GPHN: variants seen among roughly 807,000 people sequenced by gnomAD.
GPHN encodes the protein gephyrin.
GPHN carries 17 observed loss-of-function variants against 95.5 expected under a neutral mutation model. That is an observed-to-expected ratio of 0.18 (90% confidence interval 0.12 to 0.27). GPHN has a LOEUF of 0.27. Ranked by LOEUF, GPHN falls within the 10% of genes least tolerant of loss-of-function variation. GPHN has a pLI of 1.00. For missense variants in GPHN, 660 were observed against 978.1 expected (o/e 0.67, Z 4.34); for synonymous variants, 320 against 322.5 (o/e 0.99, Z 0.08).
intron 10 of GPHN, among the ~76,000 whole-genome samples, chr14:67,035,934 G>GA (rs1218278211): frequency 6.6e-6 from 1 of 151,266 alleles, no homozygotes; most frequent in Non-Finnish European, 1.5e-5. Context: ...GATACGAATA[G>GA]AAAAAATACA....
At chr14:66,822,966 C>A (rs1222273649) in intron 3 of GPHN, 1 of 152,130 alleles carries the variant, frequency 6.6e-6, no homozygotes, top group Non-Finnish European at 1.5e-5. Context: ...TTAATCTACA[C>A]ATTGCTGAGT....
chr14:66,586,287 A>G (rs1022221617), intron 1 of GPHN, among the ~76,000 whole-genome samples: 11 of 151,570 alleles, frequency 7.3e-5, no homozygotes, highest in African/African-American at 2.7e-4. Context: ...GTGTGTCTGC[A>G]TGTGAGATGG....
intron 3 of GPHN, among the ~76,000 whole-genome samples, chr14:66,806,868 A>C (rs2060564055): frequency 6.6e-6 from 1 of 152,136 alleles, no homozygotes. Flanking sequence ...TTAGCCCTCC[A>C]AATTGTTCCA....
At chr14:67,692,836 G>C in the GPHN span, 1 of 1,025,598 alleles carries the variant, frequency 9.8e-7, no homozygotes, top group South Asian at 1.5e-5. Flanking sequence ...AGGTGTTCTT[G>C]AATTCCAAAA....
chr14:67,112,767 A>G (rs867817145), intron 15 of GPHN, among the ~76,000 whole-genome samples: 1 of 152,240 alleles, frequency 6.6e-6, no homozygotes, highest in African/African-American at 2.4e-5. Context: ...AATTTCAAAT[A>G]TGAAGTAACA....
the GPHN span, among the ~76,000 whole-genome samples, chr14:67,469,430 C>T: frequency 6.7e-6 from 1 of 150,136 alleles, no homozygotes; most frequent in African/African-American, 2.5e-5. Flanking sequence ...GTGTGTGCCA[C>T]CATGCCTGGC....
At chr14:66,515,998 A>AT (rs925570058) in intron 1 of GPHN, among the ~76,000 whole-genome samples, 8 of 144,248 alleles carry the variant, frequency 5.5e-5, no homozygotes, top group African/African-American at 2.2e-4. Context: ...ATGTCAAGCC[A>AT]TTTTTTTGAT....
chr14:67,422,876 G>C, the GPHN span, among the ~76,000 whole-genome samples: 1 of 143,504 alleles, frequency 7.0e-6, no homozygotes, highest in Admixed American at 7.4e-5. Flanking sequence ...TTGTTGCCCA[G>C]GCTGGAGTAC....
At chr14:66,688,252 TGAG>T (rs1245457323) in intron 2 of GPHN, among the ~76,000 whole-genome samples, 9 of 152,104 alleles carry the variant, frequency 5.9e-5, no homozygotes, top group African/African-American at 1.7e-4. Flanking sequence ...AATAGGCTGA[TGAG>T]GAGGCGGAGG....
chr14:67,050,535 A>G (rs1408976279), intron 10 of GPHN, among the ~76,000 whole-genome samples: 2 of 152,228 alleles, frequency 1.3e-5, no homozygotes, highest in African/African-American at 4.8e-5. Flanking sequence ...AAATATTTAA[A>G]TATCTATAGC....
intron 3 of GPHN, among the ~76,000 whole-genome samples, chr14:66,780,879 T>C (rs948248246): frequency 3.9e-5 from 6 of 152,214 alleles, no homozygotes; most frequent in African/African-American, 1.4e-4. Flanking sequence ...ATCTGAGTAA[T>C]CTTAAATTGT....
intron 1 of GPHN, among the ~76,000 whole-genome samples, chr14:66,573,085 A>T (rs983424580): frequency 6.6e-6 from 1 of 152,220 alleles, no homozygotes; most frequent in African/African-American, 2.4e-5. Context: ...GGATCTTCTT[A>T]AATGTATTGA....
chr14:66,592,457 GA>G (rs34846317), intron 1 of GPHN, among the ~76,000 whole-genome samples: 2,022 of 106,890 alleles, frequency 0.019, 38 homozygotes, highest in African/African-American at 0.09. Flanking sequence ...AAATATACAA[GA>G]AAAAAAAAAA....
intron 1 of GPHN, among the ~76,000 whole-genome samples, chr14:66,615,827 T>C (rs1458070499): frequency 6.6e-6 from 1 of 152,070 alleles, no homozygotes; most frequent in Non-Finnish European, 1.5e-5. Context: ...CTAGGTTTTC[T>C]TGTAGGTTTT....
At chr14:66,654,675 A>G (rs1007423236) in intron 1 of GPHN, among the ~76,000 whole-genome samples, 4 of 152,324 alleles carry the variant, frequency 2.6e-5, no homozygotes, top group East Asian at 3.9e-4. Flanking sequence ...CAGTTTATCT[A>G]TACTTCCTTT....
At chr14:67,160,673 A>C (rs2081923378) in intron 19 of GPHN, among the ~76,000 whole-genome samples, 1 of 152,204 alleles carries the variant, frequency 6.6e-6, no homozygotes. Flanking sequence ...CAGGGACAAC[A>C]GTAATGATGC....
At chr14:66,643,009 A>G (rs960806302) in intron 1 of GPHN, among the ~76,000 whole-genome samples, 1 of 152,100 alleles carries the variant, frequency 6.6e-6, no homozygotes, top group Non-Finnish European at 1.5e-5. Flanking sequence ...CTAAAAACTG[A>G]AAGGTAAATC....
chr14:67,036,501 G>GCACACACACACACACACACA (rs762967467), intron 10 of GPHN, among the ~76,000 whole-genome samples: 1,945 of 118,064 alleles, frequency 0.016, 126 homozygotes, highest in East Asian at 0.048. Context: ...ATACATACAT[G>GCACACACACACACACACACA]CACACACACA....
chr14:67,173,425 C>T (rs755044108), intron 21 of GPHN, among the ~76,000 whole-genome samples: 20 of 152,170 alleles, frequency 1.3e-4, no homozygotes, highest in East Asian at 9.6e-4. Flanking sequence ...CTGTGGACTA[C>T]GTAACTGAGG....
Sources: gnomAD v4.1 joint callset for allele counts (sites outside exome capture counted in the v4.1 genomes callset) on GRCh38, gnomAD v4.1.1 for gene constraint, MANE v1.5 for transcripts, NCBI Gene and HGNC (gene_info 2026-07-23, HGNC 2026-07-21) for gene names.